TAX1BP1: variants seen among roughly 807,000 people sequenced by gnomAD.
TAX1BP1 encodes the protein tax1-binding protein 1.
In TAX1BP1, 62 loss-of-function variants were observed where a neutral mutation model predicts 97.7. The ratio of observed to expected loss-of-function variants is 0.63; its 90% CI spans 0.52 to 0.78. TAX1BP1 has a LOEUF of 0.78. TAX1BP1 is among the 30% of genes least tolerant of loss of function. The pLI, the probability that TAX1BP1 is intolerant of heterozygous loss-of-function variation, is 0.00. For missense variants in TAX1BP1, 867 were observed against 916.1 expected, an observed-to-expected ratio of 0.95 and a Z score of 0.69; for synonymous variants, 340 against 304.2, an observed-to-expected ratio of 1.12 and a Z score of -1.23.
chr7:27,827,368 CA>C (rs1255311534), intron 15 of TAX1BP1, among the ~76,000 whole-genome samples: 2 of 149,270 alleles, frequency 1.3e-5, no homozygotes, highest in African/African-American at 2.5e-5. Context: ...AAAAAAAAAG[CA>C]AAAAACTGGT....
intron 1 of TAX1BP1, 75 bp from the exon 2 acceptor site, chr7:27,748,443 A>G (rs1787906960): frequency 2.4e-5 from 24 of 1,005,752 alleles, no homozygotes; most frequent in Non-Finnish European, 3.2e-5. Flanking sequence ...CTTATATTAA[A>G]TATTATGTAT....
intron 2 of TAX1BP1, among the ~76,000 whole-genome samples, chr7:27,750,612 G>C: frequency 6.6e-6 from 1 of 152,192 alleles, no homozygotes; most frequent in East Asian, 1.9e-4. Flanking sequence ...CAGTGTTAGA[G>C]AGTTTATGGA....
chr7:27,790,952 C>T (rs1789681397), intron 8 of TAX1BP1, among the ~76,000 whole-genome samples: 1 of 151,958 alleles, frequency 6.6e-6, no homozygotes, highest in Non-Finnish European at 1.5e-5. Context: ...ACTGCATAAT[C>T]GCATTTATTT....
chr7:27,742,849 A>G (rs1787674412), intron 1 of TAX1BP1, among the ~76,000 whole-genome samples: 1 of 152,240 alleles, frequency 6.6e-6, no homozygotes, highest in Non-Finnish European at 1.5e-5. Context: ...TACCTTTTCC[A>G]TAACAAAAGT....
rs149452600 is a variant in TAX1BP1, at chr7:27,817,888, G to A, written c.2085+850G>A. Reference sequence around the variant, plus strand: ...CTGCATTTAATTGCTATTAACCTTTGCAGAAACTGATCAGTGTTCAGACAG... The same window carrying A: ...CTGCATTTAATTGCTATTAACCTTTACAGAAACTGATCAGTGTTCAGACAG... On this transcript the variant is annotated intron_variant, in intron 15 of 16. Coordinates refer to ENST00000396319, the MANE Select transcript of TAX1BP1 (RefSeq NM_006024.7). 9.2e-5 allele frequency among the ~76,000 whole-genome samples: 14 copies of A among 152,052 alleles called. No homozygotes were observed. In the East Asian group the frequency reaches 2.7e-3, roughly 29 times the overall value.
chr7:27,761,421 A>C (rs372661640), intron 3 of TAX1BP1, among the ~76,000 whole-genome samples: 6 of 152,110 alleles, frequency 3.9e-5, no homozygotes, highest in Admixed American at 1.3e-4. Context: ...ACATATACCT[A>C]CTGTTGCAGT....
intron 15 of TAX1BP1, among the ~76,000 whole-genome samples, chr7:27,823,603 G>A (rs1046182709): frequency 6.6e-6 from 1 of 152,118 alleles, no homozygotes; most frequent in Non-Finnish European, 1.5e-5. Context: ...GCCATAACTT[G>A]ATCATGATAG....
Position 27,769,712 on chromosome 7 carries a change from C to T in TAX1BP1, c.490C>T (p.Leu164=), listed in dbSNP as rs199574204. The change falls in exon 5 of 17, where the codon CTG becomes TTG. Residue 164 remains leucine (L), a synonymous_variant. Transcript: ENST00000396319. ...GAAAACCATGAAAGAAAAAGAAGAACTGTTAAAGTTAATTGCCGTTCTGGA... is the reference window on the plus strand; with the variant it reads ...GAAAACCATGAAAGAAAAAGAAGAATTGTTAAAGTTAATTGCCGTTCTGGA... The part of the protein sequence containing the change: ...IEKTMKEKEE[L]LKLIAVLEKE... 73 of 1,611,012 alleles carry T rather than the reference C, an allele frequency of 4.5e-5. No individual in the cohort carries two copies. The highest frequency in any genetic ancestry group is 1.8e-4 in the Admixed American group (11 of 59,794).
Position 27,757,058 on chromosome 7 carries a change from C to G in TAX1BP1, c.163-973C>G, listed in dbSNP as rs113083454. On this transcript the variant is annotated intron_variant, in intron 2 of 16. Coordinates refer to ENST00000396319, the MANE Select transcript of TAX1BP1 (RefSeq NM_006024.7). ...TGGGTTTGTAACCTGTAGTTTCAACCATTCCTTTGGAGGCTAAAGGTGACT... is the reference window on the plus strand; with the variant it reads ...TGGGTTTGTAACCTGTAGTTTCAACGATTCCTTTGGAGGCTAAAGGTGACT... 9.2e-5 allele frequency among the ~76,000 whole-genome samples: 14 copies of G among 152,196 alleles called. 1 individual carries two copies. The highest frequency in any genetic ancestry group is 3.4e-4 in the African/African-American group (14 of 41,564).
intron 5 of TAX1BP1, among the ~76,000 whole-genome samples, chr7:27,781,602 C>T (rs1789261464): frequency 6.6e-6 from 1 of 152,076 alleles, no homozygotes. Context: ...TGACAGTGCT[C>T]TAGGTTATTC....
At chr7:27,776,753 C>T (rs915198540) in intron 5 of TAX1BP1, among the ~76,000 whole-genome samples, 2 of 147,606 alleles carry the variant, frequency 1.4e-5, no homozygotes, top group African/African-American at 2.5e-5. Context: ...TTCAGGGACT[C>T]GAGTACACAT....
intron 4 of TAX1BP1, among the ~76,000 whole-genome samples, chr7:27,766,671 A>G (rs1015752734): frequency 6.6e-6 from 1 of 152,082 alleles, no homozygotes; most frequent in Non-Finnish European, 1.5e-5. Context: ...TCCTTTGCCT[A>G]ACTTTTTGTG....
chr7:27,783,134 T>A (rs1289917660), intron 5 of TAX1BP1, among the ~76,000 whole-genome samples: 1 of 152,228 alleles, frequency 6.6e-6, no homozygotes, highest in African/African-American at 2.4e-5. Context: ...CCAATTTTTA[T>A]GATTGTTTTC....
chr7:27,822,807 A>G (rs915659669), intron 15 of TAX1BP1, among the ~76,000 whole-genome samples: 4 of 152,150 alleles, frequency 2.6e-5, no homozygotes, highest in African/African-American at 9.7e-5. Flanking sequence ...GTGAAGCTGA[A>G]TTTATGTTAT....
intron 1 of TAX1BP1, among the ~76,000 whole-genome samples, chr7:27,740,887 A>T (rs966476724): frequency 1.3e-5 from 2 of 151,832 alleles, no homozygotes; most frequent in African/African-American, 4.8e-5. Flanking sequence ...TCCATTCCCC[A>T]CCCCGCCCCG....
intron 3 of TAX1BP1, among the ~76,000 whole-genome samples, chr7:27,763,389 C>T (rs564097199): frequency 3.9e-4 from 59 of 152,282 alleles, no homozygotes; most frequent in Middle Eastern, 3.4e-3. Flanking sequence ...TAAATTGCAG[C>T]TCTGAATAAT....
chr7:27,770,189 T>G (rs1480904965), intron 5 of TAX1BP1, among the ~76,000 whole-genome samples: 1 of 144,938 alleles, frequency 6.9e-6, no homozygotes, highest in Non-Finnish European at 1.5e-5. Flanking sequence ...ATACATAAAT[T>G]AAAATTACTT....
chr7:27,786,132 ATTTTTTT>A (rs34913580), intron 7 of TAX1BP1, among the ~76,000 whole-genome samples: 1 of 140,524 alleles, frequency 7.1e-6, no homozygotes, highest in Non-Finnish European at 1.6e-5. Context: ...GAAGTTTTGA[ATTTTTTT>A]TTTTTTTTTT....
At chr7:27,807,026 C>T (rs535044301) in intron 13 of TAX1BP1, among the ~76,000 whole-genome samples, 28 of 152,010 alleles carry the variant, frequency 1.8e-4, no homozygotes, top group Middle Eastern at 3.4e-3. Context: ...ATGGGATTTT[C>T]TCTTTCATTG....
Sources: allele counts gnomAD v4.1 joint callset (sites outside exome capture counted in the v4.1 genomes callset), GRCh38; gene constraint gnomAD v4.1.1; transcripts MANE v1.5; gene names NCBI Gene and HGNC (gene_info 2026-07-23, HGNC 2026-07-21).